Variants in JPH1 observed in about 807,000 individuals in gnomAD.
The protein encoded by JPH1 is junctophilin 1, also known as junctophilin-1.
Under a neutral mutation model 53.6 loss-of-function variants are expected in JPH1, and 12 were observed. That is an observed-to-expected ratio of 0.22 (90% confidence interval 0.14 to 0.36). JPH1 has a LOEUF of 0.36. Among genes scored for constraint, JPH1 ranks in the 10% least tolerant of loss-of-function variants. JPH1 has a pLI of 1.00. For missense variants in JPH1, 808 were observed against 905.5 expected (o/e 0.89, Z 1.38); for synonymous variants, 375 against 363.8 (o/e 1.03, Z -0.35).
Position 74,320,769 on chromosome 8 carries a change from G to T in JPH1, c.379+140C>A, listed in dbSNP as rs976931082. The T allele has an allele frequency of 1.3e-5, 13 of 1,029,310 alleles. No homozygotes were observed. The highest frequency in any genetic ancestry group is 1.7e-5 in the Non-Finnish European group (13 of 761,916). 63.8% of individuals were successfully genotyped at this position (1,029,310 alleles called of 1,614,324 possible). ...CTCTCTGGGAAAGGCGGGCGCGGGC[G>T]CGGGGGTGGGAGGCGCCCCCAGGTG... On this transcript the variant is annotated intron_variant, in intron 1 of 5. Transcript: ENST00000342232. This position sits in a 1 kb window ranked among gnomAD's most constrained non-coding sequence, Gnocchi z 4.4.
At chr8:74,272,209 G>C (rs1203171038) in intron 2 of JPH1, among the ~76,000 whole-genome samples, 1 of 152,056 alleles carries the variant, frequency 6.6e-6, no homozygotes, top group Non-Finnish European at 1.5e-5. Flanking sequence ...TGATCAACTA[G>C]ATTTTCTACC....
intron 2 of JPH1, among the ~76,000 whole-genome samples, chr8:74,298,927 G>C (rs975536058): frequency 6.6e-6 from 1 of 152,164 alleles, no homozygotes; most frequent in Non-Finnish European, 1.5e-5. Flanking sequence ...GAGCCATTAC[G>C]AAACATCAAC....
chr8:74,320,429 A>C lies in JPH1; in HGVS notation c.379+480T>G, dbSNP rs559875601. Among the ~76,000 whole-genome samples, 3 of 152,210 alleles carry C rather than the reference A, an allele frequency of 2.0e-5. No individual in the cohort carries two copies. In the East Asian group the frequency reaches 5.8e-4, roughly 29 times the overall value. Reference sequence around the variant, plus strand: ...AGGACCAGAAGCGAAATACGACTCCACGTGAAACCAATCCCGGGAGCGGTC... The same window carrying C: ...AGGACCAGAAGCGAAATACGACTCCCCGTGAAACCAATCCCGGGAGCGGTC... On this transcript the variant is annotated intron_variant, in intron 1 of 5. Transcript: ENST00000342232. This position sits in a 1 kb window ranked among gnomAD's most constrained non-coding sequence, Gnocchi z 4.4.
chr8:74,308,452 A>C (rs1451227189), intron 2 of JPH1, among the ~76,000 whole-genome samples: 1 of 152,230 alleles, frequency 6.6e-6, no homozygotes, highest in African/African-American at 2.4e-5. Flanking sequence ...CCATCTTTAA[A>C]ATGTGGTTTT....
chr8:74,317,061 T>C (rs2131468079), intron 1 of JPH1, among the ~76,000 whole-genome samples: 1 of 152,348 alleles, frequency 6.6e-6, no homozygotes, highest in East Asian at 1.9e-4. Context: ...GCATTTTATA[T>C]TTCCATGCAC....
chr8:74,256,489 A>G (rs949888274), intron 3 of JPH1, among the ~76,000 whole-genome samples: 6 of 151,968 alleles, frequency 3.9e-5, no homozygotes, highest in Middle Eastern at 3.4e-3. Flanking sequence ...ACATGTATAC[A>G]TATGTAACAA....
intron 2 of JPH1, among the ~76,000 whole-genome samples, chr8:74,275,929 A>G (rs1455832345): frequency 6.6e-6 from 1 of 152,196 alleles, no homozygotes; most frequent in Non-Finnish European, 1.5e-5. Context: ...CTAAGTGGTT[A>G]TTATTGAGCT....
chr8:74,240,260 C>T (rs559382149), intron 4 of JPH1, among the ~76,000 whole-genome samples: 1 of 152,304 alleles, frequency 6.6e-6, no homozygotes, highest in South Asian at 2.1e-4. Context: ...GTGTGGGCTA[C>T]CGTGCCCAGT....
At chr8:74,303,150 G>A (rs1248952695) in intron 2 of JPH1, among the ~76,000 whole-genome samples, 1 of 152,130 alleles carries the variant, frequency 6.6e-6, no homozygotes, top group Non-Finnish European at 1.5e-5. Context: ...AAAAAGAGCT[G>A]TGTCTAGTAT....
At chr8:74,297,057 T>C (rs1807541609) in intron 2 of JPH1, among the ~76,000 whole-genome samples, 1 of 152,142 alleles carries the variant, frequency 6.6e-6, no homozygotes, top group Non-Finnish European at 1.5e-5. Flanking sequence ...TTTTTATCTT[T>C]ACATATTTTC....
intron 2 of JPH1, among the ~76,000 whole-genome samples, chr8:74,271,596 C>G (rs914616226): frequency 6.6e-6 from 1 of 152,208 alleles, no homozygotes; most frequent in Non-Finnish European, 1.5e-5. Flanking sequence ...AGGCAGAGAA[C>G]CCTGTAGCCA....
At chr8:74,249,578 C>T (rs747626938) in intron 3 of JPH1, among the ~76,000 whole-genome samples, 5 of 152,254 alleles carry the variant, frequency 3.3e-5, no homozygotes, top group East Asian at 1.9e-4. Flanking sequence ...GGAATGAATA[C>T]GTGGTATGAG....
chr8:74,297,509 C>T (rs772020378), intron 2 of JPH1, among the ~76,000 whole-genome samples: 4 of 152,214 alleles, frequency 2.6e-5, no homozygotes, highest in Non-Finnish European at 5.9e-5. Flanking sequence ...TCTTAACTCA[C>T]TCACTGTTCT....
In JPH1 at chr8:74,320,820, G is replaced by C. The variant is rs1808296472; in HGVS notation, c.379+89C>G. ...TTTTGGCGGGTTTCCGGACACGTGC[G>C]CCCGGCGTCCTCCCCGCTTCCCCGC... On this transcript the variant is annotated intron_variant, in intron 1 of 5. Transcript: ENST00000342232. This position sits in a 1 kb window ranked among gnomAD's most constrained non-coding sequence, Gnocchi z 4.4. 1.5e-6 allele frequency: 2 copies of C among 1,366,692 alleles called. No individual in the cohort carries two copies. The highest frequency in any genetic ancestry group is 3.1e-5 in the African/African-American group (2 of 65,310). 84.7% of individuals were successfully genotyped at this position (1,366,692 alleles called of 1,614,324 possible). A position where few individuals can be genotyped will look rare whatever the true frequency, so the allele number is the denominator to read the frequency against.
intron 3 of JPH1, among the ~76,000 whole-genome samples, chr8:74,257,720 G>C (rs568450252): frequency 3.9e-5 from 6 of 152,180 alleles, no homozygotes; most frequent in African/African-American, 1.4e-4. Flanking sequence ...AAATGGAAAG[G>C]TTCCTTTTCC....
intron 2 of JPH1, among the ~76,000 whole-genome samples, chr8:74,307,230 C>T (rs915045148): frequency 6.6e-6 from 1 of 152,208 alleles, no homozygotes; most frequent in Non-Finnish European, 1.5e-5. Flanking sequence ...TCAACTTTCA[C>T]TTGTGAAAAT....
chr8:74,305,493 T>C (rs1807806622), intron 2 of JPH1, among the ~76,000 whole-genome samples: 1 of 152,270 alleles, frequency 6.6e-6, no homozygotes, highest in South Asian at 2.1e-4. Flanking sequence ...ACTGCTACTT[T>C]AATTCTTCAT....
chr8:74,270,958 A>G (rs2131406210), intron 2 of JPH1, among the ~76,000 whole-genome samples: 1 of 152,226 alleles, frequency 6.6e-6, no homozygotes, highest in South Asian at 2.1e-4. Flanking sequence ...GCAGCCACTG[A>G]GGAATGCAGG....
intron 4 of JPH1, among the ~76,000 whole-genome samples, chr8:74,244,301 T>A (rs1805783898): frequency 6.6e-6 from 1 of 152,114 alleles, no homozygotes; most frequent in African/African-American, 2.4e-5. Flanking sequence ...CTACCTGAAT[T>A]ACATCTAAAG....
Sources: allele counts gnomAD v4.1 joint callset (sites outside exome capture counted in the v4.1 genomes callset), GRCh38; gene constraint gnomAD v4.1.1; non-coding constraint Gnocchi (gnomAD v3.1); transcripts MANE v1.5; gene names NCBI Gene and HGNC (gene_info 2026-07-23, HGNC 2026-07-21).